The following NELL2 variants were observed in gnomAD, a reference collection of about 807,000 sequenced individuals.
NELL2 encodes neural EGFL like 2.
A neutral mutation model predicts 109.6 loss-of-function variants in NELL2; 41 were observed. That is an observed-to-expected ratio of 0.37 (90% CI 0.29 to 0.49). The LOEUF is 0.49. Ranked by LOEUF, NELL2 falls within the 20% of genes least tolerant of loss-of-function variation. NELL2 has a pLI of 0.98. For missense variants in NELL2, 900 were observed against 1,008.3 expected (o/e 0.89, Z 1.45); for synonymous variants, 355 against 344.7 (o/e 1.03, Z -0.33).
chr12:44,592,336 T>C (rs1327986205), intron 15 of NELL2, among the ~76,000 whole-genome samples: 2 of 152,142 alleles, frequency 1.3e-5, no homozygotes, highest in Non-Finnish European at 2.9e-5. Context: ...CAGGTCAAAA[T>C]AATAAATGCA....
At chr12:44,674,543 A>G (rs1948245387) in intron 12 of NELL2, among the ~76,000 whole-genome samples, 1 of 152,194 alleles carries the variant, frequency 6.6e-6, no homozygotes, top group African/African-American at 2.4e-5. Context: ...TTTAATTAGC[A>G]TTTGTGCAGG....
chr12:44,709,350 G>A (rs763733901), intron 11 of NELL2, among the ~76,000 whole-genome samples: 4 of 152,132 alleles, frequency 2.6e-5, no homozygotes, highest in Admixed American at 6.6e-5. Flanking sequence ...GAGACCATAG[G>A]AAGAAGTCCT....
At chr12:44,626,269 T>C (rs1422137115) in intron 13 of NELL2, among the ~76,000 whole-genome samples, 1 of 152,178 alleles carries the variant, frequency 6.6e-6, no homozygotes, top group African/African-American at 2.4e-5. Flanking sequence ...TGCCCTGCAA[T>C]GTAGTCATCT....
chr12:44,875,453 T>C (rs1945288065), intron 1 of NELL2, 100 bp from the exon 2 acceptor site: 2 of 1,613,790 alleles, frequency 1.2e-6, no homozygotes, highest in Admixed American at 1.7e-5. Flanking sequence ...TTCGCGACAA[T>C]ATTGGGAACT....
intron 9 of NELL2, among the ~76,000 whole-genome samples, chr12:44,741,992 T>C (rs2084614): frequency 6.6e-6 from 1 of 151,978 alleles, no homozygotes; most frequent in East Asian, 1.9e-4. Context: ...TTTGAGATCT[T>C]AGAACTGGCA....
intron 1 of NELL2, among the ~76,000 whole-genome samples, chr12:44,901,884 T>C (rs1196161213): frequency 2.0e-5 from 3 of 152,114 alleles, no homozygotes; most frequent in African/African-American, 4.8e-5. Flanking sequence ...ATAAACTAGG[T>C]ATTGATGGAA....
chr12:44,661,948 G>C (rs927860018), intron 13 of NELL2, among the ~76,000 whole-genome samples: 18 of 149,768 alleles, frequency 1.2e-4, no homozygotes, highest in African/African-American at 4.4e-4. Flanking sequence ...CCTCCCTCCT[G>C]CTCCTCTCTC....
chr12:44,722,943 C>G (rs1273708396), intron 9 of NELL2, among the ~76,000 whole-genome samples: 1 of 152,110 alleles, frequency 6.6e-6, no homozygotes, highest in East Asian at 1.9e-4. Flanking sequence ...AATCCCAGCA[C>G]TTTGGGAGGC....
intron 12 of NELL2, among the ~76,000 whole-genome samples, chr12:44,690,582 C>T (rs945557097): frequency 4.0e-5 from 6 of 151,338 alleles, no homozygotes; most frequent in African/African-American, 1.5e-4. Context: ...AACAGGATTA[C>T]TTATTTTTAA....
At chr12:44,535,725 T>A (rs1942266359) in intron 15 of NELL2, among the ~76,000 whole-genome samples, 3 of 151,876 alleles carry the variant, frequency 2.0e-5, no homozygotes. Flanking sequence ...AATAAAACTT[T>A]AAAATTTTAA....
At chr12:44,716,472 CTATCATAT>C (rs1938490908) in intron 9 of NELL2, among the ~76,000 whole-genome samples, 1 of 152,024 alleles carries the variant, frequency 6.6e-6, no homozygotes, top group Non-Finnish European at 1.5e-5. Context: ...TGCATACTAT[CTATCATAT>C]TATGAATTAA....
intron 12 of NELL2, among the ~76,000 whole-genome samples, chr12:44,694,227 T>C (rs1948984510): frequency 6.6e-6 from 1 of 152,126 alleles, no homozygotes; most frequent in Non-Finnish European, 1.5e-5. Flanking sequence ...GCAGGCCTCA[T>C]ACAATCAATT....
chr12:44,895,789 T>A (rs1945586560), intron 1 of NELL2, among the ~76,000 whole-genome samples: 1 of 152,160 alleles, frequency 6.6e-6, no homozygotes, highest in African/African-American at 2.4e-5. Context: ...ACCTTGAGAT[T>A]CACAGCCTAA....
chr12:44,892,797 CAAAAAAAAA>C (rs57230571), intron 1 of NELL2, among the ~76,000 whole-genome samples: 1 of 57,768 alleles, frequency 1.7e-5, no homozygotes, highest in East Asian at 4.2e-4. Flanking sequence ...GACTCTGTCT[CAAAAAAAAA>C]AAAAAAAAAA....
At chr12:44,649,305 C>T (rs1002372729) in intron 13 of NELL2, among the ~76,000 whole-genome samples, 2 of 151,976 alleles carry the variant, frequency 1.3e-5, no homozygotes, top group African/African-American at 2.4e-5. Context: ...AAACATCACC[C>T]ACTGCGTGAT....
chr12:44,812,607 T>C (rs1943214493), intron 3 of NELL2, among the ~76,000 whole-genome samples: 1 of 152,020 alleles, frequency 6.6e-6, no homozygotes, highest in African/African-American at 2.4e-5. Flanking sequence ...GTTTAGGCAA[T>C]GATGAAACTA....
intron 13 of NELL2, among the ~76,000 whole-genome samples, chr12:44,644,503 G>A (rs567431033): frequency 2.7e-4 from 40 of 149,316 alleles, no homozygotes; most frequent in Non-Finnish European, 5.6e-4. Context: ...TCAGCTTTTG[G>A]ATGAAGAGCT....
chr12:44,550,225 T>C (rs1942975569), intron 15 of NELL2, among the ~76,000 whole-genome samples: 1 of 152,090 alleles, frequency 6.6e-6, no homozygotes, highest in Admixed American at 6.6e-5. Context: ...TCTTAAAGCA[T>C]ACAGAACTCA....
At chr12:44,810,756 T>C (rs754409096) in intron 3 of NELL2, among the ~76,000 whole-genome samples, 2 of 151,888 alleles carry the variant, frequency 1.3e-5, no homozygotes, top group Non-Finnish European at 2.9e-5. Context: ...ATGATAATAG[T>C]GGCTGCCGTC....
Sources: gnomAD v4.1 joint callset for allele counts (sites outside exome capture counted in the v4.1 genomes callset) on GRCh38, gnomAD v4.1.1 for gene constraint, MANE v1.5 for transcripts, NCBI Gene and HGNC (gene_info 2026-07-23, HGNC 2026-07-21) for gene names.